Variants in CARMIL3 observed in about 807,000 individuals in gnomAD.
The protein encoded by CARMIL3 is capping protein, Arp2/3 and myosin-I linker protein 3.
A neutral mutation model predicts 180.8 loss-of-function variants in CARMIL3; 88 were observed. The observed-to-expected ratio is 0.49, with a 90% CI of 0.41 to 0.58. CARMIL3 has a LOEUF of 0.58. CARMIL3 is among the 20% of genes least tolerant of loss of function. CARMIL3 has a pLI of 0.00. For missense variants in CARMIL3, 1,548 were observed against 1,787.0 expected, an observed-to-expected ratio of 0.87 and a Z score of 2.41; for synonymous variants, 696 against 714.5, an observed-to-expected ratio of 0.97 and a Z score of 0.41.
intron 32 of CARMIL3, 87 bp from the exon 33 acceptor site, chr14:24,064,871 G>A: frequency 2.9e-6 from 4 of 1,368,710 alleles, no homozygotes; most frequent in Non-Finnish European, 4.1e-6. Context: ...CAGCAGGGGA[G>A]ACCAGATGAG....
At chr14:24,057,628 A>G (rs966387384) in intron 14 of CARMIL3, among the ~76,000 whole-genome samples, 175 bp from the exon 15 acceptor site, 11 of 152,040 alleles carry the variant, frequency 7.2e-5, no homozygotes, top group Admixed American at 5.9e-4. Flanking sequence ...CATGTTCCAC[A>G]GGGGAGAAAA....
chr14:24,058,330 A>G lies in CARMIL3; in HGVS notation c.1392+106A>G. On this transcript the variant is annotated intron_variant, in intron 17 of 39. Coordinates refer to ENST00000342740, the MANE Select transcript of CARMIL3 (RefSeq NM_138360.4). The surrounding 1 kb of genome is among the most constrained non-coding windows in gnomAD (Gnocchi z 6.4). The stretch of plus-strand genomic sequence containing the variant: ...CTAGCCTCTGTGCTGACCCTCTGCG[A>G]CCCCCTGACCTGGCCACACCACCAC... 8.1e-7 allele frequency: 1 copy of G among 1,231,624 alleles called. No homozygotes were observed. Among genetic ancestry groups the G allele is most frequent in the Non-Finnish European group, 1.1e-6 (1 of 881,712 alleles). 76.3% of individuals were successfully genotyped at this position (1,231,624 alleles called of 1,614,324 possible). A position where few individuals can be genotyped will look rare whatever the true frequency, so the allele number is the denominator to read the frequency against.
chr14:24,061,610 C>T lies in CARMIL3; in HGVS notation c.2418C>T (p.Pro806=), dbSNP rs1209724276. The part of the protein sequence containing the change: ...LSNVAERVTV[P]RNFIRGALLE... Reference sequence around the variant, plus strand: ...ATGTGGCGGAGCGTGTCACTGTGCCCCGGAACTTCATCCGAGGGGCACTGC... The same window carrying T: ...ATGTGGCGGAGCGTGTCACTGTGCCTCGGAACTTCATCCGAGGGGCACTGC... Residue 806 remains proline, a synonymous_variant, in exon 27 of 40, where the codon CCC becomes CCT. Coordinates refer to ENST00000342740, the MANE Select transcript of CARMIL3 (RefSeq NM_138360.4). This position sits in a 1 kb window ranked among gnomAD's most constrained non-coding sequence, Gnocchi z 4.1. The T allele has an allele frequency of 6.2e-7, 1 of 1,613,800 alleles. No homozygotes were observed. Among genetic ancestry groups the T allele is most frequent in the Non-Finnish European group, 8.5e-7 (1 of 1,179,998 alleles).
intron 36 of CARMIL3, among the ~76,000 whole-genome samples, chr14:24,067,930 A>G (rs2035804386): frequency 1.3e-5 from 2 of 152,248 alleles, no homozygotes; most frequent in African/African-American, 4.8e-5. Flanking sequence ...CCCCCAGGGC[A>G]CTGCAGCCTG....
rs1002170381 is a variant in CARMIL3, at chr14:24,061,346, T to G, written c.2305-151T>G. ...TGACCAGAAAGTGGGGAAGCCTTAG[T>G]GTCCAAGGCTCTGCCACTAACAGTT... On this transcript the variant is annotated intron_variant, in intron 26 of 39. Transcript: ENST00000342740. This position sits in a 1 kb window ranked among gnomAD's most constrained non-coding sequence, Gnocchi z 4.1. 1 of 770,002 alleles carries G rather than the reference T, an allele frequency of 1.3e-6. No individual in the cohort carries two copies. Among genetic ancestry groups the G allele is most frequent in the African/African-American group, 1.8e-5 (1 of 56,854 alleles). 47.7% of individuals were successfully genotyped at this position (770,002 alleles called of 1,614,324 possible). A position where few individuals can be genotyped will look rare whatever the true frequency, so the allele number is the denominator to read the frequency against.
chr14:24,059,745 T>G lies in CARMIL3; in HGVS notation c.1868+13T>G. 6.2e-7 allele frequency: 1 copy of G among 1,613,718 alleles called. No homozygotes were observed. The highest frequency in any genetic ancestry group is 1.1e-5 in the South Asian group (1 of 91,032). ...GGGCCCTGGAGAGGTGAGTAGACCATGGTCCTGCCCTGATCCAAGTCCCCA... is the reference window on the plus strand; with the variant it reads ...GGGCCCTGGAGAGGTGAGTAGACCAGGGTCCTGCCCTGATCCAAGTCCCCA... On this transcript the variant is annotated intron_variant, in intron 22 of 39. Coordinates refer to ENST00000342740, the MANE Select transcript of CARMIL3 (RefSeq NM_138360.4). This position sits in a 1 kb window ranked among gnomAD's most constrained non-coding sequence, Gnocchi z 6.3.
Position 24,059,453 on chromosome 14 carries a change from C to T in CARMIL3, c.1799+11C>T, listed in dbSNP as rs775513232. 7.7e-6 allele frequency: 12 copies of T among 1,559,468 alleles called. No homozygotes were observed. Among genetic ancestry groups the T allele is most frequent in the Admixed American group, 5.8e-5 (3 of 51,960 alleles). ...AAACTCCTCCCTCAGGTGGGGCCCA[C>T]ACCGGGACCCCCTGACCTGGAGCCC... On this transcript the variant is annotated intron_variant, in intron 21 of 39. Coordinates refer to ENST00000342740, the MANE Select transcript of CARMIL3 (RefSeq NM_138360.4). This position sits in a 1 kb window ranked among gnomAD's most constrained non-coding sequence, Gnocchi z 6.3.
chr14:24,054,062 C>T lies in CARMIL3; in HGVS notation c.136-26C>T. The T allele has an allele frequency of 1.2e-6, 2 of 1,612,594 alleles. No individual in the cohort carries two copies. The highest frequency in any genetic ancestry group is 1.7e-6 in the Non-Finnish European group (2 of 1,179,796). The stretch of plus-strand genomic sequence containing the variant: ...ACCAAGGCCCAGCAGCTGCCATGAG[C>T]TGCCGATTTTTTCCTCTCTCTGTAG... On this transcript the variant is annotated intron_variant, in intron 2 of 39. Coordinates refer to ENST00000342740, the MANE Select transcript of CARMIL3 (RefSeq NM_138360.4). The surrounding 1 kb of genome is among the most constrained non-coding windows in gnomAD (Gnocchi z 5.1).
intron 8 of CARMIL3, 78 bp from the exon 9 acceptor site, chr14:24,055,465 C>T (rs903858123): frequency 2.2e-5 from 35 of 1,558,482 alleles, no homozygotes; most frequent in Non-Finnish European, 3.1e-5. Context: ...CCCAGCCCAA[C>T]CACCCTATCC....
intron 29 of CARMIL3, 48 bp downstream of exon 29, chr14:24,062,894 T>G: frequency 6.4e-7 from 1 of 1,571,700 alleles, no homozygotes; most frequent in African/African-American, 1.4e-5. Context: ...GGCCCTGCCC[T>G]TAAACCTGCA....
rs201507603 is a variant in CARMIL3 at position 24,069,446 on chromosome 14, G to T, written c.*42G>T. On this transcript the variant is annotated 3_prime_UTR_variant, in exon 40 of 40. Coordinates refer to ENST00000342740, the MANE Select transcript of CARMIL3 (RefSeq NM_138360.4). Reference sequence around the variant, plus strand: ...CTCCTCAGCCCTCGACATGTGCCTCGCAAGGACTCAGACCCCTATCCACCC... The same window carrying T: ...CTCCTCAGCCCTCGACATGTGCCTCTCAAGGACTCAGACCCCTATCCACCC... 8.1e-6 allele frequency: 13 copies of T among 1,613,576 alleles called. No homozygotes were observed. The South Asian group carries it at 1.4e-4, about 18-fold the overall frequency.
rs369776139 is a variant in CARMIL3, at chr14:24,058,107, G to A, written c.1322+43G>A. The A allele has an allele frequency of 5.0e-6, 8 of 1,613,608 alleles. No individual in the cohort carries two copies. Among genetic ancestry groups the A allele is most frequent in the Admixed American group, 1.7e-5 (1 of 60,004 alleles). ...TTGGGGGCGCATCCAAGGGAACCACGGGGAGCGGGAAGAGGTAAAGGAGGG... is the reference window on the plus strand; with the variant it reads ...TTGGGGGCGCATCCAAGGGAACCACAGGGAGCGGGAAGAGGTAAAGGAGGG... On this transcript the variant is annotated intron_variant, in intron 16 of 39. Transcript: ENST00000342740. This position sits in a 1 kb window ranked among gnomAD's most constrained non-coding sequence, Gnocchi z 6.4.
At chr14:24,068,242 C>A (rs2035810067) in intron 36 of CARMIL3, among the ~76,000 whole-genome samples, 1 of 151,926 alleles carries the variant, frequency 6.6e-6, no homozygotes, top group South Asian at 2.1e-4. Context: ...ACTAAAAATA[C>A]AAAAATTAGC....
At position 24,054,352 on chromosome 14, in the gene CARMIL3, CAG is replaced by C. The variant is rs1239849103; in HGVS notation, c.247-39_247-38del. On this transcript the variant is annotated intron_variant, in intron 4 of 39. Coordinates refer to ENST00000342740, the MANE Select transcript of CARMIL3 (RefSeq NM_138360.4). The surrounding 1 kb of genome is among the most constrained non-coding windows in gnomAD (Gnocchi z 5.1). The stretch of plus-strand genomic sequence containing the variant: ...CTACTGGGCCAGCTGGAGGAGGGAG[CAG>C]AGAGGAGGGAGTCTGAGGCTCTGAC... 6.2e-7 allele frequency: 1 copy of C among 1,613,410 alleles called. No homozygotes were observed. Among genetic ancestry groups the C allele is most frequent in the Non-Finnish European group, 8.5e-7 (1 of 1,179,510 alleles).
chr14:24,062,956 C>G, intron 29 of CARMIL3, 110 bp downstream of exon 29: 2 of 1,539,846 alleles, frequency 1.3e-6, no homozygotes, highest in Non-Finnish European at 1.8e-6. Flanking sequence ...CTCACTGTGC[C>G]TGGCCTTCTG....
In CARMIL3 at chr14:24,060,156, G is replaced by A; in HGVS notation, c.1963-1G>A. On this transcript the variant is annotated splice_acceptor_variant, in intron 23 of 39. Transcript: ENST00000342740. LOFTEE classifies it high-confidence loss of function. ...TGACCCACCAACCCCATCATCTCCA[G>A]ATCCAATGGTGCTTAGTGAGGAACA... 1.2e-6 allele frequency: 2 copies of A among 1,614,138 alleles called. No individual in the cohort carries two copies. The highest frequency in any genetic ancestry group is 8.5e-7 in the Non-Finnish European group (1 of 1,180,042).
intron 34 of CARMIL3, 65 bp from the exon 35 acceptor site, chr14:24,066,333 C>T: frequency 6.4e-7 from 1 of 1,564,908 alleles, no homozygotes; most frequent in East Asian, 2.2e-5. Context: ...GAGCAGAAGC[C>T]CTTTGTCAGC....
chr14:24,060,026 G>T lies in CARMIL3; in HGVS notation c.1925G>T (p.Arg642Leu), dbSNP rs755948859. Residue 642 changes from arginine (R) to leucine (L), a missense_variant, in exon 23 of 40, where the codon CGC (arginine) becomes CTC (leucine). This residue lies in a region of CARMIL3 where 297 missense variants were observed against 415.9 expected (regional missense o/e 0.71). Coordinates refer to ENST00000342740, the MANE Select transcript of CARMIL3 (RefSeq NM_138360.4). ...FPVSDISQAY[R>L]SAPERTEDVW... ...GTGAGCGACATCTCCCAAGCCTATCGCAGCGCGCCTGAGCGCACCGAGGAC... is the reference window on the plus strand; with the variant it reads ...GTGAGCGACATCTCCCAAGCCTATCTCAGCGCGCCTGAGCGCACCGAGGAC... 2.5e-6 allele frequency: 4 copies of T among 1,613,836 alleles called. No homozygotes were observed. The highest frequency in any genetic ancestry group is 2.7e-5 in the African/African-American group (2 of 74,946).
rs1315941564 is a variant in CARMIL3 at position 24,059,213 on chromosome 14, G to T, written c.1626+24G>T. On this transcript the variant is annotated intron_variant, in intron 20 of 39. Transcript: ENST00000342740. This position sits in a 1 kb window ranked among gnomAD's most constrained non-coding sequence, Gnocchi z 6.3. ...GTGTGAGTGCCTGGGCCTGGGAGGGGACCTGCAGTCGGAGGAGGCTGTGGG... is the reference window on the plus strand; with the variant it reads ...GTGTGAGTGCCTGGGCCTGGGAGGGTACCTGCAGTCGGAGGAGGCTGTGGG... 1 of 1,613,722 alleles carries T rather than the reference G, an allele frequency of 6.2e-7. No individual in the cohort carries two copies. Among genetic ancestry groups the T allele is most frequent in the South Asian group, 1.1e-5 (1 of 91,046 alleles).
Sources: allele counts gnomAD v4.1 joint callset (sites outside exome capture counted in the v4.1 genomes callset), GRCh38; gene constraint gnomAD v4.1.1; regional missense constraint gnomAD v4.1.1; non-coding constraint Gnocchi (gnomAD v3.1); transcripts MANE v1.5; gene names NCBI Gene and HGNC (gene_info 2026-07-23, HGNC 2026-07-21).